PDE4D: variants seen among roughly 807,000 people sequenced by gnomAD.
The protein encoded by PDE4D is 3',5'-cyclic-AMP phosphodiesterase 4D.
A neutral mutation model predicts 87.4 loss-of-function variants in PDE4D; 24 were observed. The ratio of observed to expected loss-of-function variants is 0.27; its 90% CI spans 0.20 to 0.39. The LOEUF is 0.39. Among genes scored for constraint, PDE4D ranks in the 10% least tolerant of loss-of-function variants. The pLI is 1.00. For synonymous variants in PDE4D, 384 were observed against 383.2 expected, an observed-to-expected ratio of 1.00 and a Z score of -0.02; for missense variants, 714 against 1,041.0, an observed-to-expected ratio of 0.69 and a Z score of 4.32.
chr5:60,151,860 T>C (rs1781536662), intron 2 of PDE4D, among the ~76,000 whole-genome samples: 1 of 152,214 alleles, frequency 6.6e-6, no homozygotes, highest in East Asian at 1.9e-4. Flanking sequence ...TCACTGAGTA[T>C]TCAGTTAGCT....
intron 1 of PDE4D, among the ~76,000 whole-genome samples, chr5:60,400,539 A>T (rs1012182107): frequency 2.0e-5 from 3 of 151,148 alleles, no homozygotes; most frequent in African/African-American, 7.3e-5. Context: ...AAAAAAAAAA[A>T]AAAAAGAAAT....
At chr5:59,016,609 T>C (rs1205066574) in intron 6 of PDE4D, among the ~76,000 whole-genome samples, 1 of 152,144 alleles carries the variant, frequency 6.6e-6, no homozygotes, top group Non-Finnish European at 1.5e-5. Context: ...GTAATACATA[T>C]TCTTTCTTTA....
chr5:59,075,882 A>G (rs1765615977), intron 5 of PDE4D, among the ~76,000 whole-genome samples: 1 of 152,132 alleles, frequency 6.6e-6, no homozygotes, highest in Admixed American at 6.5e-5. Context: ...TTTCCTATGC[A>G]ATTTAACCTA....
chr5:59,880,143 C>G (rs1415829947), intron 1 of PDE4D, among the ~76,000 whole-genome samples: 1 of 152,026 alleles, frequency 6.6e-6, no homozygotes, highest in Non-Finnish European at 1.5e-5. Context: ...ACTCTTTTGC[C>G]CAGGCTGGAT....
At chr5:59,403,032 T>C (rs1373161635) in intron 1 of PDE4D, among the ~76,000 whole-genome samples, 1 of 152,210 alleles carries the variant, frequency 6.6e-6, no homozygotes, top group Non-Finnish European at 1.5e-5. Context: ...TGGAGTTATA[T>C]ATTACCTTCT....
intron 5 of PDE4D, among the ~76,000 whole-genome samples, chr5:59,117,651 C>T (rs1402333097): frequency 6.6e-6 from 1 of 152,082 alleles, no homozygotes; most frequent in Non-Finnish European, 1.5e-5. Context: ...ACTGCAGAAT[C>T]GCTGTTGCAG....
At chr5:59,324,955 G>GAA (rs2153573361) in intron 1 of PDE4D, among the ~76,000 whole-genome samples, 1 of 152,190 alleles carries the variant, frequency 6.6e-6, no homozygotes, top group East Asian at 1.9e-4. Context: ...AATTAATAGG[G>GAA]AAAACTTTAT....
At chr5:59,081,908 G>A (rs1002184509) in intron 5 of PDE4D, among the ~76,000 whole-genome samples, 2 of 152,122 alleles carry the variant, frequency 1.3e-5, no homozygotes, top group African/African-American at 2.4e-5. Context: ...TGAATCATAG[G>A]GCAGTTTCCC....
intron 1 of PDE4D, among the ~76,000 whole-genome samples, chr5:59,376,769 AC>A (rs1208222465): frequency 2.0e-5 from 3 of 152,182 alleles, no homozygotes; most frequent in Non-Finnish European, 4.4e-5. Context: ...GCATCATGCC[AC>A]CCAACTTCAA....
intron 1 of PDE4D, among the ~76,000 whole-genome samples, chr5:59,426,001 C>T (rs966519220): frequency 6.6e-6 from 1 of 152,080 alleles, no homozygotes; most frequent in Non-Finnish European, 1.5e-5. Context: ...TTAAATAAGC[C>T]TTTAGGGTGG....
At chr5:60,016,337 T>TGA (rs1765520863) in intron 2 of PDE4D, among the ~76,000 whole-genome samples, 2 of 152,192 alleles carry the variant, frequency 1.3e-5, no homozygotes, top group African/African-American at 4.8e-5. Context: ...CAACTTGTAC[T>TGA]CTTTTTGCTG....
chr5:59,528,052 G>A (rs1813481046), intron 1 of PDE4D, among the ~76,000 whole-genome samples: 1 of 152,280 alleles, frequency 6.6e-6, no homozygotes, highest in African/African-American at 2.4e-5. Flanking sequence ...ACGCTTAAAG[G>A]TAAGCAAAAT....
At chr5:60,349,032 C>G (rs771703375) in intron 1 of PDE4D, among the ~76,000 whole-genome samples, 1 of 152,056 alleles carries the variant, frequency 6.6e-6, no homozygotes, top group Non-Finnish European at 1.5e-5. Flanking sequence ...AAACCTAATA[C>G]CACAAAGTAA....
At chr5:59,663,696 T>C (rs1169865644) in intron 1 of PDE4D, among the ~76,000 whole-genome samples, 1 of 152,178 alleles carries the variant, frequency 6.6e-6, no homozygotes, top group East Asian at 1.9e-4. Flanking sequence ...ATTTTCTAAA[T>C]AATGGAATCT....
At chr5:60,447,518 A>G (rs1745738450) in intron 1 of PDE4D, among the ~76,000 whole-genome samples, 1 of 152,152 alleles carries the variant, frequency 6.6e-6, no homozygotes. Context: ...AACTGAATAT[A>G]AAGTAGAAAA....
intron 6 of PDE4D, among the ~76,000 whole-genome samples, chr5:58,998,223 A>C (rs762281834): frequency 1.3e-5 from 2 of 152,098 alleles, no homozygotes; most frequent in Non-Finnish European, 2.9e-5. Flanking sequence ...GTCCAGGAAA[A>C]ATTTTCCTCA....
rs188821267 is a variant in PDE4D, at chr5:60,090,085, C to T, written c.42+95472G>A. Among the ~76,000 whole-genome samples the T allele has an allele frequency of 2.4e-3, 365 of 152,058 alleles. 1 individual carries two copies. The highest frequency in any genetic ancestry group is 4.6e-3 in the Admixed American group (70 of 15,276). On this transcript the variant is annotated intron_variant, in intron 2 of 16. Transcript: ENST00000502484. ...AGCTTCACTGCTGAATTCTGCCAAA[C>T]GATTAAAGAATAACCTATACCAATT...
At chr5:59,465,492 G>A (rs1801451347) in intron 1 of PDE4D, among the ~76,000 whole-genome samples, 1 of 152,108 alleles carries the variant, frequency 6.6e-6, no homozygotes, top group Admixed American at 6.6e-5. Context: ...TCCTGGTACT[G>A]TGTATATTTA....
At chr5:59,683,259 G>A (rs1749324597) in intron 1 of PDE4D, among the ~76,000 whole-genome samples, 1 of 152,188 alleles carries the variant, frequency 6.6e-6, no homozygotes, top group African/African-American at 2.4e-5. Flanking sequence ...GTAGATATGA[G>A]AGACAGAGAT....
Sources: allele counts gnomAD v4.1 joint callset (sites outside exome capture counted in the v4.1 genomes callset), GRCh38; gene constraint gnomAD v4.1.1; transcripts MANE v1.5; gene names NCBI Gene and HGNC (gene_info 2026-07-23, HGNC 2026-07-21).